The following CRB1 variants were observed in gnomAD, a reference collection of about 807,000 sequenced individuals.
The protein encoded by CRB1 is protein crumbs homolog 1.
A neutral mutation model predicts 120.0 loss-of-function variants in CRB1; 83 were observed. The observed-to-expected ratio is 0.69, with a 90% CI of 0.58 to 0.83. The LOEUF is 0.83. Among genes scored for constraint, CRB1 ranks in the 40% least tolerant of loss-of-function variants. The pLI is 0.00. For missense variants in CRB1, 1,699 were observed against 1,687.6 expected (o/e 1.01, Z -0.12); for synonymous variants, 625 against 612.5 (o/e 1.02, Z -0.30).
chr1:197,401,747 A>T (rs1186338633), intron 5 of CRB1, among the ~76,000 whole-genome samples: 1 of 152,068 alleles, frequency 6.6e-6, no homozygotes, highest in African/African-American at 2.4e-5. Flanking sequence ...AGTCACATGA[A>T]GTTTATCTTT....
At chr1:197,353,277 A>G (rs1660211363) in intron 4 of CRB1, among the ~76,000 whole-genome samples, 2 of 152,222 alleles carry the variant, frequency 1.3e-5, no homozygotes. Context: ...TTTCTAGAAG[A>G]GAGAAAAACA....
In CRB1 at chr1:197,434,706, G is replaced by T. The variant is rs62645748; in HGVS notation, c.2843G>T (p.Cys948Phe). The change falls in exon 9 of 12, where the codon TGT becomes TTT. Residue 948 changes from cysteine (C) to phenylalanine (F), a missense_variant and splice_region_variant. Physicochemically the swap from Cys to Phe is radical, Grantham distance 205. Coordinates refer to ENST00000367400, the MANE Select transcript of CRB1 (RefSeq NM_201253.3). Reference sequence around the variant, plus strand: ...GATTATTATCACCTTCTCTCATTAGGTATTGCAAATGCTGTTTTTAATGGA... The same window carrying T: ...GATTATTATCACCTTCTCTCATTAGTTATTGCAAATGCTGTTTTTAATGGA... The part of the protein sequence containing the change: ...QCQPVLQGFE[C>F]IANAVFNGQS... 6.2e-7 allele frequency: 1 copy of T among 1,611,346 alleles called. No individual in the cohort carries two copies. The highest frequency in any genetic ancestry group is 1.7e-5 in the Admixed American group (1 of 59,890).
At position 197,268,309 on chromosome 1, in the gene CRB1, G is replaced by C; in HGVS notation, c.-104G>C. On this transcript the variant is annotated 5_prime_UTR_variant, in exon 1 of 12. Coordinates refer to ENST00000367400, the MANE Select transcript of CRB1 (RefSeq NM_201253.3). ...TAGGGTGGGACAGAGATGGCACCTGGGGGTTCTGAGGCACCCGCTCCTCTC... is the reference window on the plus strand; with the variant it reads ...TAGGGTGGGACAGAGATGGCACCTGCGGGTTCTGAGGCACCCGCTCCTCTC... The C allele has an allele frequency of 1.2e-6, 1 of 815,718 alleles. No individual in the cohort carries two copies. Among genetic ancestry groups the C allele is most frequent in the Non-Finnish European group, 2.2e-6 (1 of 453,590 alleles). 50.5% of individuals were successfully genotyped at this position (815,718 alleles called of 1,614,324 possible). A position where few individuals can be genotyped will look rare whatever the true frequency, so the allele number is the denominator to read the frequency against.
intron 5 of CRB1, among the ~76,000 whole-genome samples, chr1:197,361,938 T>C (rs1027854670): frequency 1.3e-5 from 2 of 151,976 alleles, no homozygotes; most frequent in Non-Finnish European, 2.9e-5. Flanking sequence ...TTATTACTGA[T>C]TTAAGACCTT....
At chr1:197,417,259 A>G (rs1256195516) in intron 5 of CRB1, among the ~76,000 whole-genome samples, 1 of 152,164 alleles carries the variant, frequency 6.6e-6, no homozygotes, top group Non-Finnish European at 1.5e-5. Context: ...CTGCCTGAGG[A>G]ATCCAAAGAT....
chr1:197,381,215 A>G (rs1345442894), intron 5 of CRB1, among the ~76,000 whole-genome samples: 1 of 152,144 alleles, frequency 6.6e-6, no homozygotes, highest in Non-Finnish European at 1.5e-5. Context: ...TCCTCCTTTT[A>G]ATATTTTAGC....
At chr1:197,372,053 A>G (rs180910073) in intron 5 of CRB1, among the ~76,000 whole-genome samples, 152 of 152,248 alleles carry the variant, frequency 1.0e-3, no homozygotes, top group African/African-American at 3.4e-3. Flanking sequence ...ATGCCACTCC[A>G]TGAGCCACCC....
At chr1:197,254,155 C>T in the CRB1 span, among the ~76,000 whole-genome samples, 1 of 151,994 alleles carries the variant, frequency 6.6e-6, no homozygotes, top group Non-Finnish European at 1.5e-5. Flanking sequence ...AAAGCCACCG[C>T]ACTTGTATTT....
the CRB1 span, among the ~76,000 whole-genome samples, chr1:197,219,009 G>A: frequency 1.3e-5 from 2 of 152,106 alleles, no homozygotes; most frequent in Non-Finnish European, 2.9e-5. Context: ...GACAGTAAGA[G>A]GACTAAAGCT....
Position 197,427,643 on chromosome 1 carries a change from C to A in CRB1, c.2318C>A (p.Ala773Glu). Residue 773 changes from alanine to glutamate, a missense_variant, in exon 7 of 12, where the codon GCA becomes GAA. Coordinates refer to ENST00000367400, the MANE Select transcript of CRB1 (RefSeq NM_201253.3). ...GTCTGGCTAGAGCGCGGCAGACTAGCAATGCTGACTCCAAACTCTCCCAAA... is the reference window on the plus strand; with the variant it reads ...GTCTGGCTAGAGCGCGGCAGACTAGAAATGCTGACTCCAAACTCTCCCAAA... ...IRVWLERGRL[A>E]MLTPNSPKLV... 6.2e-7 allele frequency: 1 copy of A among 1,613,896 alleles called. No individual in the cohort carries two copies. The highest frequency in any genetic ancestry group is 1.1e-5 in the South Asian group (1 of 91,062).
chr1:197,252,576 A>ATGTGTG, the CRB1 span, among the ~76,000 whole-genome samples: 21 of 35,052 alleles, frequency 6.0e-4, no homozygotes, highest in South Asian at 2.5e-3. Context: ...ATATATATAT[A>ATGTGTG]TATATATGTG....
chr1:197,448,709 C>T (rs925609245), intron 11 of CRB1, among the ~76,000 whole-genome samples: 1 of 152,174 alleles, frequency 6.6e-6, no homozygotes, highest in Non-Finnish European at 1.5e-5. Flanking sequence ...GATCCTTTCC[C>T]TGATTGCCCC....
chr1:197,290,543 G>A (rs570932178), intron 1 of CRB1, among the ~76,000 whole-genome samples: 115 of 151,520 alleles, frequency 7.6e-4, no homozygotes, highest in Non-Finnish European at 1.4e-3. Flanking sequence ...AACTCTTGAT[G>A]CAAGGGATCC....
At chr1:197,252,582 A>ATATATG in the CRB1 span, among the ~76,000 whole-genome samples, 25 of 15,478 alleles carry the variant, frequency 1.6e-3, no homozygotes, top group East Asian at 5.3e-3. Context: ...ATATATATAT[A>ATATATG]TGTGTGTGTG....
At chr1:197,268,151 T>G (rs1031014207), upstream of CRB1, 1 of 442,816 alleles carries the variant, frequency 2.3e-6, no homozygotes, top group Non-Finnish European at 4.2e-6. Context: ...GAGGGGGGAA[T>G]GAATCCAATC....
At chr1:197,321,156 G>A (rs1163661291) in intron 1 of CRB1, among the ~76,000 whole-genome samples, 1 of 152,186 alleles carries the variant, frequency 6.6e-6, no homozygotes, top group Admixed American at 6.5e-5. Context: ...CATTCTCCAT[G>A]TGTGCCATAG....
At chr1:197,435,778 C>T (rs919340112) in intron 9 of CRB1, among the ~76,000 whole-genome samples, 166 bp downstream of exon 9, 2 of 152,090 alleles carry the variant, frequency 1.3e-5, no homozygotes, top group Admixed American at 1.3e-4. Flanking sequence ...TGGGATCTCA[C>T]TTACCAGGAT....
intron 11 of CRB1, among the ~76,000 whole-genome samples, chr1:197,473,620 A>AC (rs1667075373): frequency 7.6e-6 from 1 of 131,240 alleles, no homozygotes; most frequent in South Asian, 2.2e-4. Context: ...ATTTTTCAGA[A>AC]AAAAAAAAAA....
At chr1:197,399,522 T>C (rs1026395700) in intron 5 of CRB1, among the ~76,000 whole-genome samples, 4 of 152,216 alleles carry the variant, frequency 2.6e-5, no homozygotes, top group African/African-American at 9.6e-5. Context: ...TTCTATAAAA[T>C]AGAGATTATA....
Sources: gnomAD v4.1 joint callset for allele counts (sites outside exome capture counted in the v4.1 genomes callset) on GRCh38, gnomAD v4.1.1 for gene constraint, MANE v1.5 for transcripts, NCBI Gene and HGNC (gene_info 2026-07-23, HGNC 2026-07-21) for gene names.